The following PAK2 variants were observed in gnomAD, a reference collection of about 807,000 sequenced individuals.
PAK2 encodes the protein serine/threonine-protein kinase PAK 2.
PAK2 carries 21 observed loss-of-function variants against 65.9 expected under a neutral mutation model. The observed-to-expected ratio is 0.32, with a 90% CI of 0.23 to 0.46. PAK2 has a LOEUF of 0.46. PAK2 is among the 20% of genes least tolerant of loss of function. PAK2 has a pLI of 1.00. For synonymous variants in PAK2, 204 were observed against 219.7 expected (o/e 0.93, Z 0.63); for missense variants, 324 against 642.6 (o/e 0.50, Z 5.36).
chr3:196,759,489 GTTTTTTTTGTTTTTTTTTT>G (rs1713878519), intron 1 of PAK2, among the ~76,000 whole-genome samples: 9 of 98,878 alleles, frequency 9.1e-5, no homozygotes, highest in African/African-American at 3.0e-4. Context: ...CAGTTAAGTG[GTTTTTTTTGTTTTTTTTTT>G]TTTTTTTTTT....
chr3:196,783,781 G>A (rs889383138), intron 2 of PAK2, among the ~76,000 whole-genome samples: 7 of 152,000 alleles, frequency 4.6e-5, no homozygotes, highest in Admixed American at 1.3e-4. Flanking sequence ...AAATATGTAT[G>A]GTTTAGGCAT....
chr3:196,762,125 C>T (rs1395388573), intron 1 of PAK2, among the ~76,000 whole-genome samples: 5 of 128,010 alleles, frequency 3.9e-5, no homozygotes, highest in Admixed American at 1.5e-4. Context: ...GCGTCCCCCA[C>T]ATCTCAGACG....
At chr3:196,793,689 A>C (rs1329907524) in intron 2 of PAK2, among the ~76,000 whole-genome samples, 1 of 152,228 alleles carries the variant, frequency 6.6e-6, no homozygotes, top group Non-Finnish European at 1.5e-5. Context: ...CGTCAAAGAG[A>C]GGAGATAGAG....
At chr3:196,810,067 A>G (rs1715723490) in intron 7 of PAK2, among the ~76,000 whole-genome samples, 1 of 152,046 alleles carries the variant, frequency 6.6e-6, no homozygotes, top group South Asian at 2.1e-4. Flanking sequence ...TGTATACTGG[A>G]AGAGTCAGAA....
intron 1 of PAK2, among the ~76,000 whole-genome samples, chr3:196,774,732 G>A (rs941125067): frequency 2.0e-5 from 3 of 152,172 alleles, no homozygotes; most frequent in Admixed American, 1.3e-4. Flanking sequence ...TAGTCAGGAC[G>A]ATGTGTAGCC....
At chr3:196,797,435 C>T (rs1020042266) in intron 2 of PAK2, among the ~76,000 whole-genome samples, 16 of 151,990 alleles carry the variant, frequency 1.1e-4, no homozygotes, top group African/African-American at 3.9e-4. Context: ...TGCACACCAG[C>T]CTGGGCGACA....
rs527272943 is a variant in PAK2 at position 196,800,160 on chromosome 3, C to T, written c.188-1767C>T. Among the ~76,000 whole-genome samples the T allele has an allele frequency of 8.5e-5, 13 of 152,204 alleles. No individual in the cohort carries two copies. In the South Asian group the frequency reaches 1.7e-3, roughly 19 times the overall value. ...CTTTGGCAAGCCAAAGCAGATGGATCGCTTGAGGCCAGGAGTTTGAGACCA... is the reference window on the plus strand; with the variant it reads ...CTTTGGCAAGCCAAAGCAGATGGATTGCTTGAGGCCAGGAGTTTGAGACCA... On this transcript the variant is annotated intron_variant, in intron 2 of 14. Coordinates refer to ENST00000327134, the MANE Select transcript of PAK2 (RefSeq NM_002577.4).
intron 2 of PAK2, among the ~76,000 whole-genome samples, chr3:196,796,385 A>G (rs1457500656): frequency 2.6e-5 from 4 of 152,212 alleles, no homozygotes; most frequent in East Asian, 1.9e-4. Context: ...GGCAAAAGCT[A>G]TGGAGACAAA....
chr3:196,770,480 A>G (rs1316092353), intron 1 of PAK2, among the ~76,000 whole-genome samples: 1 of 151,792 alleles, frequency 6.6e-6, no homozygotes. Context: ...CCCTCTGATC[A>G]TGCCTGTGAG....
rs569227846 is a variant in PAK2, at chr3:196,753,775, A to C, written c.-22+13618A>C. On this transcript the variant is annotated intron_variant, in intron 1 of 14. Transcript: ENST00000327134. Reference sequence around the variant, plus strand: ...TTTTTTCCTGTGCCTGGATGGTGGTAGGAATTTTCCTTTTTCTTTTTTTAA... The same window carrying C: ...TTTTTTCCTGTGCCTGGATGGTGGTCGGAATTTTCCTTTTTCTTTTTTTAA... Among the ~76,000 whole-genome samples the C allele has an allele frequency of 2.0e-5, 3 of 152,222 alleles. No homozygotes were observed. The South Asian group carries it at 6.2e-4, about 32-fold the overall frequency.
chr3:196,791,761 A>G lies in PAK2; in HGVS notation c.187+8928A>G, dbSNP rs1715077745. On this transcript the variant is annotated intron_variant, in intron 2 of 14. Coordinates refer to ENST00000327134, the MANE Select transcript of PAK2 (RefSeq NM_002577.4). This position sits in a 1 kb window ranked among gnomAD's most constrained non-coding sequence, Gnocchi z 4.0. ...AACAAGGTGAAACCCCGTCTCTACT[A>G]AAAATACAAAAAGTTAGCCAGGCGT... is the stretch of plus-strand genomic sequence containing the variant. Among the ~76,000 whole-genome samples the G allele has an allele frequency of 6.6e-6, 1 of 152,066 alleles. No homozygotes were observed. Among genetic ancestry groups the G allele is most frequent in the Non-Finnish European group, 1.5e-5 (1 of 68,014 alleles).
chr3:196,826,804 C>G (rs2108778045), intron 13 of PAK2, among the ~76,000 whole-genome samples: 1 of 151,850 alleles, frequency 6.6e-6, no homozygotes, highest in East Asian at 1.9e-4. Context: ...ATCTGTAATC[C>G]CAGCTACTCG....
intron 13 of PAK2, among the ~76,000 whole-genome samples, chr3:196,824,129 G>T (rs79572797): frequency 0.072 from 10,932 of 152,222 alleles, 618 homozygotes; most frequent in African/African-American, 0.16. Flanking sequence ...GTAGTTCCAC[G>T]GAGAGTGCCT....
chr3:196,800,858 G>A (rs865870299), intron 2 of PAK2, among the ~76,000 whole-genome samples: 3 of 152,042 alleles, frequency 2.0e-5, no homozygotes, highest in Admixed American at 6.6e-5. Context: ...GTAAGATCCA[G>A]AAAATAGATT....
chr3:196,792,128 C>T (rs547007763), intron 2 of PAK2, among the ~76,000 whole-genome samples: 3 of 152,020 alleles, frequency 2.0e-5, no homozygotes, highest in Admixed American at 6.6e-5. Flanking sequence ...TGACCATAGT[C>T]GTGTAAGAAA....
chr3:196,779,548 C>G (rs1714640372), intron 1 of PAK2, among the ~76,000 whole-genome samples: 1 of 152,148 alleles, frequency 6.6e-6, no homozygotes, highest in Non-Finnish European at 1.5e-5. Context: ...TAACATGCAG[C>G]TGATTTATTA....
rs537217865 is a variant in PAK2 at position 196,758,812 on chromosome 3, C to T, written c.-22+18655C>T. Among the ~76,000 whole-genome samples, 21 of 152,096 alleles carry T rather than the reference C, an allele frequency of 1.4e-4. No homozygotes were observed. The South Asian group carries it at 3.9e-3, about 29-fold the overall frequency. On this transcript the variant is annotated intron_variant, in intron 1 of 14. Coordinates refer to ENST00000327134, the MANE Select transcript of PAK2 (RefSeq NM_002577.4). ...CTGGGACAGCAGGCACTCATGATCA[C>T]GCCTGGCTAAATTTTATATTTTTTT...
At chr3:196,753,406 G>C (rs1713671600) in intron 1 of PAK2, among the ~76,000 whole-genome samples, 1 of 151,754 alleles carries the variant, frequency 6.6e-6, no homozygotes, top group African/African-American at 2.4e-5. Context: ...CACCACACCC[G>C]CCTAATTTCT....
intron 2 of PAK2, among the ~76,000 whole-genome samples, chr3:196,788,634 A>T (rs1714973104): frequency 6.6e-6 from 1 of 152,222 alleles, no homozygotes. Flanking sequence ...ATTACAAGCC[A>T]TGAAAAGTGG....
Sources: allele counts gnomAD v4.1 joint callset (sites outside exome capture counted in the v4.1 genomes callset), GRCh38; gene constraint gnomAD v4.1.1; non-coding constraint Gnocchi (gnomAD v3.1); transcripts MANE v1.5; gene names NCBI Gene and HGNC (gene_info 2026-07-23, HGNC 2026-07-21).